The following HOMER3 variants were observed in gnomAD, a reference collection of about 807,000 sequenced individuals.
The protein encoded by HOMER3 is homer scaffold protein 3.
A neutral mutation model predicts 45.5 loss-of-function variants in HOMER3; 34 were observed. The ratio of observed to expected loss-of-function variants is 0.75; its 90% CI spans 0.57 to 1.00. The LOEUF (loss-of-function observed/expected upper bound fraction) is 1.00, where lower values mean the gene tolerates loss of function less well. Ranked by LOEUF, HOMER3 falls within the 50% of genes least tolerant of loss-of-function variation. The pLI, the probability that HOMER3 is intolerant of heterozygous loss-of-function variation, is 0.00. For missense variants in HOMER3, 480 were observed against 497.5 expected (o/e 0.96, Z 0.33); for synonymous variants, 223 against 208.8 (o/e 1.07, Z -0.58).
Position 18,933,053 on chromosome 19 carries a change from C to CG in HOMER3, c.412-9dup. On this transcript the variant is annotated splice_polypyrimidine_tract_variant and intron_variant, in intron 5 of 9. Transcript: ENST00000392351. ...GAGAGGGCTCGGGGGCACCTAGGCA[C>CG]GGGGAAAAGAATAGGTCACGACCCC... is the stretch of plus-strand genomic sequence containing the variant. The CG allele has an allele frequency of 6.7e-7, 1 of 1,487,398 alleles. No individual in the cohort carries two copies. 92.1% of individuals were successfully genotyped at this position (1,487,398 alleles called of 1,614,324 possible).
Position 18,931,374 on chromosome 19 carries a change from C to CG in HOMER3, c.844dup (p.Arg282ProfsTer10). On this transcript the variant is annotated frameshift_variant, in exon 9 of 10. Transcript: ENST00000392351. LOFTEE classifies it high-confidence loss of function. ...ACGCTCGGCAGCCTCCAGGGCCTCG[C>CG]GGGGCCCCCCAGTCTGACTCTTCAG... 6.2e-7 allele frequency: 1 copy of CG among 1,614,128 alleles called. No homozygotes were observed. The highest frequency in any genetic ancestry group is 8.5e-7 in the Non-Finnish European group (1 of 1,180,022).
At chr19:18,933,847 G>A (rs1276967280) in intron 5 of HOMER3, among the ~76,000 whole-genome samples, 2 of 152,128 alleles carry the variant, frequency 1.3e-5, no homozygotes. Context: ...TGGGACTACA[G>A]GCGCATGCCA....
In HOMER3 at chr19:18,941,131, C is replaced by T. The variant is rs113688229; in HGVS notation, c.-148G>A. 1 of 149,728 alleles carries T rather than the reference C, an allele frequency of 6.7e-6. No individual in the cohort carries two copies. The highest frequency in any genetic ancestry group is 1.5e-5 in the Non-Finnish European group (1 of 66,900). The allele number at this position is 149,728 out of a possible 1,614,324, so 9.3% of individuals were successfully genotyped here. A position where few individuals can be genotyped will look rare whatever the true frequency, so the allele number is the denominator to read the frequency against. On this transcript the variant is annotated 5_prime_UTR_variant, in exon 1 of 10. Coordinates refer to ENST00000392351, the MANE Select transcript of HOMER3 (RefSeq NM_004838.4). ...GGCGCTGACTCCGCGCTGCCGGGCG[C>T]CCCGCTCGCTCCCTGGCTCCCGGGC...
chr19:18,938,532 A>C (rs777760060), intron 3 of HOMER3, 48 bp from the exon 4 acceptor site: 3 of 1,591,806 alleles, frequency 1.9e-6, no homozygotes, highest in East Asian at 4.5e-5. Flanking sequence ...GATACTAACA[A>C]ACATGAAACC....
intron 4 of HOMER3, among the ~76,000 whole-genome samples, chr19:18,935,688 C>T (rs2057084013): frequency 6.6e-6 from 1 of 152,106 alleles, no homozygotes; most frequent in Admixed American, 6.6e-5. Flanking sequence ...TGTTTCCCCC[C>T]ACCACCCCGG....
At chr19:18,934,207 C>T (rs1419845591) in intron 5 of HOMER3, 96 bp downstream of exon 5, 13 of 653,680 alleles carry the variant, frequency 2.0e-5, no homozygotes, top group Non-Finnish European at 3.1e-5. Flanking sequence ...CAGCAGAGTG[C>T]CCCGGTCTCC....
chr19:18,931,544 C>T lies in HOMER3; in HGVS notation c.772G>A (p.Glu258Lys), dbSNP rs149686899. The T allele has an allele frequency of 4.3e-6, 7 of 1,613,586 alleles. No homozygotes were observed. Among genetic ancestry groups the T allele is most frequent in the African/African-American group, 1.3e-5 (1 of 74,944 alleles). ...GTTTGCACCAGAGCTTCCAGCTGTT[C>T]CAGCGACTGGCCCTGGCCCAGCCCC... is the stretch of plus-strand genomic sequence containing the variant. ...KEGLGQGQSL[E>K]QLEALVQTKD... Residue 258 changes from glutamate (E) to lysine (K), a missense_variant, in exon 8 of 10, where the codon GAA becomes AAA. Transcript: ENST00000392351.
intron 8 of HOMER3, 24 bp downstream of exon 8, chr19:18,931,485 C>T (rs2057031591): frequency 6.2e-7 from 1 of 1,612,166 alleles, no homozygotes; most frequent in Non-Finnish European, 8.5e-7. Flanking sequence ...AAGGCGAGGC[C>T]CAGGAACCAC....
intron 6 of HOMER3, 83 bp downstream of exon 6, chr19:18,932,841 C>A (rs1410525323): frequency 1.8e-6 from 2 of 1,093,374 alleles, no homozygotes; most frequent in East Asian, 6.5e-5. Flanking sequence ...GCCGTCCTGG[C>A]ACTCCCTTGG....
Position 18,938,689 on chromosome 19 carries a change from A to T in HOMER3, c.171+39T>A, listed in dbSNP as rs8111121. On this transcript the variant is annotated intron_variant, in intron 3 of 9. Transcript: ENST00000392351. ...CACCAGACCCAAGGTTGTCACCAGG[A>T]CTCCTGGTGCCTCTGCCCCACCCAG... 3.1e-3 allele frequency: 4,852 copies of T among 1,567,608 alleles called. 134 individuals are homozygous for T. The African/African-American group carries it at 0.059, about 19-fold the overall frequency.
chr19:18,937,912 G>A (rs1311389499), intron 4 of HOMER3, among the ~76,000 whole-genome samples: 1 of 151,332 alleles, frequency 6.6e-6, no homozygotes, highest in Non-Finnish European at 1.5e-5. Context: ...GGACTCAAGA[G>A]CAGGTACAGT....
In HOMER3 at chr19:18,929,551, C is replaced by G. The variant is rs1168047775; in HGVS notation, c.978G>C (p.Glu326Asp). 6.4e-7 allele frequency: 1 copy of G among 1,554,062 alleles called. No homozygotes were observed. The highest frequency in any genetic ancestry group is 8.7e-7 in the Non-Finnish European group (1 of 1,151,082). Reference sequence around the variant, plus strand: ...CCCGGCCCACCTCAGCCCGCGCCCGCTCCCGCTCTGCCCGTGCCTCCTCCA... The same window carrying G: ...CCCGGCCCACCTCAGCCCGCGCCCGGTCCCGCTCTGCCCGTGCCTCCTCCA... ...RSLEEARAER[E>D]RARAEVGRAA... The change falls in exon 10 of 10, where the codon GAG (glutamate) becomes GAC (aspartate). Residue 326 changes from glutamate (E) to aspartate (D), a missense_variant. Transcript: ENST00000392351.
At chr19:18,930,060 G>C (rs1025070691) in intron 9 of HOMER3, among the ~76,000 whole-genome samples, 3 of 151,752 alleles carry the variant, frequency 2.0e-5, no homozygotes, top group Admixed American at 1.3e-4. Flanking sequence ...GACCAGCTTG[G>C]CCAACATGGT....
Position 18,929,232 on chromosome 19 carries a change from G to C in HOMER3, c.*211C>G, listed in dbSNP as rs1170608876. ...CTTAGAAATGTAATCGGGGGATCTAGAAATTCTACACAATGAGAAGCTCAA... is the reference window on the plus strand; with the variant it reads ...CTTAGAAATGTAATCGGGGGATCTACAAATTCTACACAATGAGAAGCTCAA... On this transcript the variant is annotated 3_prime_UTR_variant, in exon 10 of 10. Coordinates refer to ENST00000392351, the MANE Select transcript of HOMER3 (RefSeq NM_004838.4). The C allele has an allele frequency of 1.3e-6, 1 of 765,368 alleles. No homozygotes were observed. Among genetic ancestry groups the C allele is most frequent in the South Asian group, 1.4e-5 (1 of 73,806 alleles). 47.4% of individuals were successfully genotyped at this position (765,368 alleles called of 1,614,324 possible). A position where few individuals can be genotyped will look rare whatever the true frequency, so the allele number is the denominator to read the frequency against.
At chr19:18,930,738 G>A (rs923384897) in intron 9 of HOMER3, among the ~76,000 whole-genome samples, 12 of 151,068 alleles carry the variant, frequency 7.9e-5, no homozygotes, top group Admixed American at 3.3e-4. Flanking sequence ...GCCCGGGCAC[G>A]GTGGCGCATG....
chr19:18,931,553 G>A lies in HOMER3; in HGVS notation c.763C>T (p.Gln255Ter). Residue 255 changes from glutamine to a stop codon, truncating the protein, a stop_gained, in exon 8 of 10, where the codon CAG (glutamine) becomes TAG (stop). Coordinates refer to ENST00000392351, the MANE Select transcript of HOMER3 (RefSeq NM_004838.4). LOFTEE classifies it high-confidence loss of function. The stretch of plus-strand genomic sequence containing the variant: ...AGAGCTTCCAGCTGTTCCAGCGACT[G>A]GCCCTGGCCCAGCCCCTCCTTCTCA... The part of the protein sequence containing the change: ...TGEKEGLGQG[Q>*]SLEQLEALVQ... 6.2e-7 allele frequency: 1 copy of A among 1,613,638 alleles called. No homozygotes were observed. The highest frequency in any genetic ancestry group is 8.5e-7 in the Non-Finnish European group (1 of 1,179,972).
intron 4 of HOMER3, among the ~76,000 whole-genome samples, chr19:18,934,871 G>GT (rs578069119): frequency 0.037 from 4,564 of 121,720 alleles, 231 homozygotes; most frequent in African/African-American, 0.11. Context: ...CCTGTTTTTT[G>GT]TTTTTTTTTT....
rs1160585157 is a variant in HOMER3 at position 18,929,367 on chromosome 19, G to A, written c.*76C>T. 4.0e-6 allele frequency: 6 copies of A among 1,499,310 alleles called. No homozygotes were observed. Among genetic ancestry groups the A allele is most frequent in the Non-Finnish European group, 5.5e-6 (6 of 1,095,614 alleles). 92.9% of individuals were successfully genotyped at this position (1,499,310 alleles called of 1,614,324 possible). ...GGACCCCCCAGTCCCTTTCCAGGAC[G>A]AATGGGCCCAACTATGCCGCCTGCA... On this transcript the variant is annotated 3_prime_UTR_variant, in exon 10 of 10. Coordinates refer to ENST00000392351, the MANE Select transcript of HOMER3 (RefSeq NM_004838.4).
At chr19:18,932,885 A>AACCCCCCCCCCCCCCC in intron 6 of HOMER3, 39 bp downstream of exon 6, 2 of 687,534 alleles carry the variant, frequency 2.9e-6, no homozygotes, top group Non-Finnish European at 4.2e-6. Context: ...CCCCACCCCT[A>AACCCCCCCCCCCCCCC]CCCCCGCCCC....
Sources: gnomAD v4.1 joint callset for allele counts (sites outside exome capture counted in the v4.1 genomes callset) on GRCh38, gnomAD v4.1.1 for gene constraint, MANE v1.5 for transcripts, NCBI Gene and HGNC (gene_info 2026-07-23, HGNC 2026-07-21) for gene names.